The following NLGN1 variants were observed in gnomAD, a reference collection of about 807,000 sequenced individuals.
The protein encoded by NLGN1 is neuroligin 1, also known as neuroligin-1.
NLGN1 carries 12 observed loss-of-function variants against 65.5 expected under a neutral mutation model. The observed-to-expected ratio is 0.18, with a 90% CI of 0.12 to 0.30. The LOEUF (loss-of-function observed/expected upper bound fraction) is 0.30. Ranked by LOEUF, NLGN1 falls within the 10% of genes least tolerant of loss-of-function variation. NLGN1 has a pLI of 1.00. For missense variants in NLGN1, 750 were observed against 1,007.1 expected (o/e 0.74, Z 3.46); for synonymous variants, 350 against 359.5 (o/e 0.97, Z 0.30).
intron 4 of NLGN1, among the ~76,000 whole-genome samples, chr3:173,992,466 A>C (rs922676352): frequency 1.3e-5 from 2 of 152,108 alleles, no homozygotes; most frequent in African/African-American, 4.8e-5. Flanking sequence ...CTGATTCAAC[A>C]AAGTCACCAA....
chr3:173,698,606 A>C, intron 3 of NLGN1, among the ~76,000 whole-genome samples: 1 of 152,228 alleles, frequency 6.6e-6, no homozygotes, highest in East Asian at 1.9e-4. Context: ...CCCGTGGAAT[A>C]TACAAAAAAA....
chr3:173,683,405 C>A lies in NLGN1; in HGVS notation c.493+78314C>A, dbSNP rs4147438. Among the ~76,000 whole-genome samples the A allele has an allele frequency of 2.5e-4, 38 of 152,210 alleles. No individual in the cohort carries two copies. In the East Asian group the frequency reaches 7.4e-3, roughly 29 times the overall value. On this transcript the variant is annotated intron_variant, in intron 3 of 6. Transcript: ENST00000457714. ...AAATAGAGTTGAAATTCCCCCAGAT[C>A]CCACTAAGCTCTCCTCAGCCTGTCA...
At chr3:173,655,783 G>A (rs1759924695) in intron 3 of NLGN1, among the ~76,000 whole-genome samples, 2 of 151,704 alleles carry the variant, frequency 1.3e-5, no homozygotes, top group South Asian at 4.2e-4. Flanking sequence ...GACACTACAT[G>A]TATATGACTG....
At chr3:173,685,292 A>G (rs531558561) in intron 3 of NLGN1, among the ~76,000 whole-genome samples, 6 of 152,334 alleles carry the variant, frequency 3.9e-5, no homozygotes, top group South Asian at 4.1e-4. Flanking sequence ...TGGACAAGAA[A>G]AGAACAGATT....
At chr3:174,042,081 T>G (rs144870285) in intron 4 of NLGN1, among the ~76,000 whole-genome samples, 1,720 of 152,170 alleles carry the variant, frequency 0.011, 12 homozygotes, top group Middle Eastern at 0.02. Flanking sequence ...ATTATTGGAC[T>G]TTTTTATTAT....
At chr3:173,438,747 G>A (rs148348561) in intron 2 of NLGN1, among the ~76,000 whole-genome samples, 2 of 152,206 alleles carry the variant, frequency 1.3e-5, no homozygotes, top group African/African-American at 4.8e-5. Flanking sequence ...GAAATATTCA[G>A]TAGACAGAAA....
chr3:174,169,944 G>C (rs1040807585), intron 4 of NLGN1, among the ~76,000 whole-genome samples: 2 of 152,082 alleles, frequency 1.3e-5, no homozygotes, highest in Non-Finnish European at 2.9e-5. Flanking sequence ...CCTGTCCCTC[G>C]ACCTGGGTTG....
intron 2 of NLGN1, among the ~76,000 whole-genome samples, chr3:173,479,045 G>T (rs1726792457): frequency 6.6e-6 from 1 of 152,104 alleles, no homozygotes; most frequent in Admixed American, 6.6e-5. Flanking sequence ...TCTTTCAAAA[G>T]TCTTACTTGG....
chr3:174,080,957 G>GTGTGTGTGTGTGTGTGTGTGTGTGTGT (rs1580188754), intron 4 of NLGN1, among the ~76,000 whole-genome samples: 2 of 149,628 alleles, frequency 1.3e-5, no homozygotes, highest in African/African-American at 5.0e-5. Flanking sequence ...GTGTGTGTGT[G>GTGTGTGTGTGTGTGTGTGTGTGTGTGT]GTGATAGGGG....
At chr3:173,760,744 G>A (rs1365830918) in intron 3 of NLGN1, among the ~76,000 whole-genome samples, 1 of 151,954 alleles carries the variant, frequency 6.6e-6, no homozygotes, top group East Asian at 1.9e-4. Flanking sequence ...AACCAAATGA[G>A]AGAAAAGCAT....
intron 3 of NLGN1, 29 bp downstream of exon 3, chr3:173,605,622 G>C (rs1309956084): frequency 8.6e-7 from 1 of 1,158,864 alleles, no homozygotes; most frequent in Admixed American, 2.3e-5. Context: ...ATTAAAAATG[G>C]GGGAAAAAGC....
At chr3:173,625,522 GA>G (rs1472340967) in intron 3 of NLGN1, among the ~76,000 whole-genome samples, 2 of 152,100 alleles carry the variant, frequency 1.3e-5, no homozygotes, top group Non-Finnish European at 2.9e-5. Context: ...TGGAAAAGTG[GA>G]GAAAGTCTCT....
At chr3:174,227,838 AATATTT>A (rs1312213234) in intron 4 of NLGN1, among the ~76,000 whole-genome samples, 2 of 152,106 alleles carry the variant, frequency 1.3e-5, no homozygotes, top group Admixed American at 6.5e-5. Context: ...AGCATCATCT[AATATTT>A]ATTTGACTTA....
chr3:173,874,050 T>G (rs2150886197), intron 4 of NLGN1, among the ~76,000 whole-genome samples: 1 of 152,278 alleles, frequency 6.6e-6, no homozygotes. Flanking sequence ...GAAAGAGGCC[T>G]CAGAAGAAAT....
Position 174,175,211 on chromosome 3 carries a change from A to G in NLGN1, c.647-100104A>G, listed in dbSNP as rs1315412744. Among the ~76,000 whole-genome samples the G allele has an allele frequency of 2.0e-5, 3 of 151,964 alleles. No individual in the cohort carries two copies. The East Asian group carries it at 5.8e-4, about 29-fold the overall frequency. ...TTTGCTGATTTTTTTTGTCTGGAAGATCTGTCCAATGATGAATGCGGGGGA... is the reference window on the plus strand; with the variant it reads ...TTTGCTGATTTTTTTTGTCTGGAAGGTCTGTCCAATGATGAATGCGGGGGA... On this transcript the variant is annotated intron_variant, in intron 4 of 6. Coordinates refer to ENST00000457714, the Ensembl canonical transcript of NLGN1.
chr3:173,843,701 A>G (rs1725227859), intron 4 of NLGN1, among the ~76,000 whole-genome samples: 1 of 152,114 alleles, frequency 6.6e-6, no homozygotes, highest in East Asian at 1.9e-4. Flanking sequence ...GACTTTATTG[A>G]CCATATTACT....
intron 1 of NLGN1, among the ~76,000 whole-genome samples, chr3:173,415,919 G>GGAGAGAGA (rs1167795390): frequency 8.0e-6 from 1 of 125,204 alleles, no homozygotes; most frequent in Non-Finnish European, 1.7e-5. Context: ...AGAGAGAGAG[G>GGAGAGAGA]GAGAGAGAGA....
chr3:173,597,932 T>C (rs1351112371), intron 2 of NLGN1, among the ~76,000 whole-genome samples: 1 of 152,166 alleles, frequency 6.6e-6, no homozygotes, highest in East Asian at 1.9e-4. Context: ...TTTTCAAACA[T>C]TTTTTTCTGA....
chr3:173,827,216 A>T (rs1017069216), intron 4 of NLGN1, among the ~76,000 whole-genome samples: 1 of 152,116 alleles, frequency 6.6e-6, no homozygotes. Flanking sequence ...GGAGCATAGT[A>T]TATCAGGAAC....
Sources: allele counts gnomAD v4.1 joint callset (sites outside exome capture counted in the v4.1 genomes callset), GRCh38; gene constraint gnomAD v4.1.1; transcripts MANE v1.5; gene names NCBI Gene and HGNC (gene_info 2026-07-23, HGNC 2026-07-21).